The following PRKCA variants were observed in gnomAD, a reference collection of about 807,000 sequenced individuals.
PRKCA encodes the protein protein kinase C alpha type.
In PRKCA, 27 loss-of-function variants were observed where a neutral mutation model predicts 87.0. The observed-to-expected ratio is 0.31, with a 90% CI of 0.23 to 0.43. PRKCA has a LOEUF of 0.43. Among genes scored for constraint, PRKCA ranks in the 20% least tolerant of loss-of-function variants. PRKCA has a pLI of 1.00. For missense variants in PRKCA, 518 were observed against 852.3 expected, an observed-to-expected ratio of 0.61 and a Z score of 4.88; for synonymous variants, 329 against 311.1, an observed-to-expected ratio of 1.06 and a Z score of -0.61.
intron 2 of PRKCA, among the ~76,000 whole-genome samples, chr17:66,345,482 G>A (rs557183989): frequency 6.6e-6 from 1 of 152,236 alleles, no homozygotes; most frequent in African/African-American, 2.4e-5. Context: ...GTCATCCCGG[G>A]TCATCCTGCC....
At chr17:66,609,397 T>C (rs936273419) in intron 3 of PRKCA, among the ~76,000 whole-genome samples, 9 of 152,200 alleles carry the variant, frequency 5.9e-5, no homozygotes, top group African/African-American at 2.2e-4. Context: ...CGTGTCTATA[T>C]GAAGCAGTGT....
chr17:66,699,464 C>T (rs1212514124), intron 8 of PRKCA, among the ~76,000 whole-genome samples: 1 of 152,084 alleles, frequency 6.6e-6, no homozygotes, highest in Non-Finnish European at 1.5e-5. Flanking sequence ...TACAACCTAC[C>T]AAGACTGAAT....
chr17:66,696,067 T>C (rs966863500), intron 8 of PRKCA, among the ~76,000 whole-genome samples: 17 of 152,302 alleles, frequency 1.1e-4, no homozygotes, highest in African/African-American at 3.6e-4. Context: ...AGAGGTGTGA[T>C]GTTGATGGAG....
intron 2 of PRKCA, among the ~76,000 whole-genome samples, chr17:66,355,081 T>C (rs1397195742): frequency 6.6e-6 from 1 of 152,236 alleles, no homozygotes; most frequent in Non-Finnish European, 1.5e-5. Context: ...TCTGAAAAAC[T>C]GAATTTCACA....
At chr17:66,632,517 C>G (rs374873798) in intron 3 of PRKCA, among the ~76,000 whole-genome samples, 2 of 152,008 alleles carry the variant, frequency 1.3e-5, no homozygotes, top group Admixed American at 6.6e-5. Context: ...GTAGCTGGGA[C>G]TAAAGGCATA....
chr17:66,645,331 C>T (rs868178513), intron 4 of PRKCA, 52 bp from the exon 5 acceptor site: 23 of 1,610,760 alleles, frequency 1.4e-5, no homozygotes, highest in Middle Eastern at 1.7e-4. Context: ...CACTGAGGAG[C>T]GGTGGTTGGA....
intron 2 of PRKCA, among the ~76,000 whole-genome samples, chr17:66,314,114 G>A (rs1392043532): frequency 2.0e-5 from 3 of 152,092 alleles, no homozygotes; most frequent in East Asian, 1.9e-4. Flanking sequence ...AGATTCTAAC[G>A]GTTCTGCAGA....
At chr17:66,733,196 A>G (rs1973947153) in intron 9 of PRKCA, among the ~76,000 whole-genome samples, 1 of 151,898 alleles carries the variant, frequency 6.6e-6, no homozygotes, top group Non-Finnish European at 1.5e-5. Context: ...ACAGTCATCC[A>G]GAAGACCACC....
intron 3 of PRKCA, among the ~76,000 whole-genome samples, chr17:66,625,353 T>C (rs1970822344): frequency 6.6e-6 from 1 of 152,166 alleles, no homozygotes; most frequent in Admixed American, 6.5e-5. Flanking sequence ...AAAACACAAA[T>C]TCATCAGAAG....
intron 2 of PRKCA, among the ~76,000 whole-genome samples, chr17:66,400,113 G>T (rs966878199): frequency 6.6e-6 from 1 of 152,062 alleles, no homozygotes. Context: ...TTAACCACTT[G>T]TACACATACG....
chr17:66,380,356 G>A (rs1318419590), intron 2 of PRKCA, among the ~76,000 whole-genome samples: 4 of 151,966 alleles, frequency 2.6e-5, no homozygotes, highest in African/African-American at 4.8e-5. Flanking sequence ...TATCTCCTCA[G>A]GTTCCTAATA....
rs34171506 is a variant in PRKCA at position 66,362,673 on chromosome 17, G to GT, written c.205+56561dup. 6.5e-3 allele frequency among the ~76,000 whole-genome samples: 940 copies of GT among 143,702 alleles called. 19 individuals carry two copies. Among genetic ancestry groups the GT allele is most frequent in the Admixed American group, 0.027 (400 of 14,570 alleles). 94.3% of individuals were successfully genotyped at this position (143,702 alleles called of 152,430 possible). A position where few individuals can be genotyped will look rare whatever the true frequency, so the allele number is the denominator to read the frequency against. On this transcript the variant is annotated intron_variant, in intron 2 of 16. Transcript: ENST00000413366. ...CCTCAACTAGTGAGGTGCCTTGCAG[G>GT]TTTTTTTTTTTTTTTCCTCTTTGTT...
chr17:66,537,416 G>T (rs1967826636), intron 3 of PRKCA, among the ~76,000 whole-genome samples: 1 of 152,186 alleles, frequency 6.6e-6, no homozygotes, highest in South Asian at 2.1e-4. Flanking sequence ...AATCACAACT[G>T]CATTGTTAAA....
chr17:66,767,100 T>C (rs1485733759), intron 13 of PRKCA, among the ~76,000 whole-genome samples: 2 of 152,162 alleles, frequency 1.3e-5, no homozygotes, highest in African/African-American at 2.4e-5. Flanking sequence ...AGTATTCAGT[T>C]CCACATATTA....
intron 14 of PRKCA, chr17:66,774,583 T>C: frequency 2.1e-6 from 2 of 964,762 alleles, no homozygotes; most frequent in Non-Finnish European, 2.5e-6. Context: ...ATCGTGCCAC[T>C]GCACTGCAGC....
At chr17:66,494,547 G>C (rs935849255) in intron 2 of PRKCA, among the ~76,000 whole-genome samples, 1 of 152,120 alleles carries the variant, frequency 6.6e-6, no homozygotes, top group African/African-American at 2.4e-5. Context: ...CCCCCCAAGG[G>C]TCCCATCTCC....
At chr17:66,443,155 G>A (rs555026555) in intron 2 of PRKCA, among the ~76,000 whole-genome samples, 1 of 152,306 alleles carries the variant, frequency 6.6e-6, no homozygotes, top group African/African-American at 2.4e-5. Context: ...GCTGCAAGTG[G>A]TCCATGAGGG....
intron 2 of PRKCA, among the ~76,000 whole-genome samples, chr17:66,321,763 C>A (rs186773482): frequency 6.6e-6 from 1 of 152,086 alleles, no homozygotes; most frequent in Non-Finnish European, 1.5e-5. Context: ...AGGCTGATCT[C>A]GAACTCCTGA....
chr17:66,443,637 C>T (rs1266777700), intron 2 of PRKCA, among the ~76,000 whole-genome samples: 2 of 152,196 alleles, frequency 1.3e-5, no homozygotes, highest in Non-Finnish European at 2.9e-5. Context: ...GCTGCCTGCC[C>T]TGAAACGGGA....
Sources: gnomAD v4.1 joint callset for allele counts (sites outside exome capture counted in the v4.1 genomes callset) on GRCh38, gnomAD v4.1.1 for gene constraint, MANE v1.5 for transcripts, NCBI Gene and HGNC (gene_info 2026-07-23, HGNC 2026-07-21) for gene names.